The following MCPH1 variants were observed in gnomAD, a reference collection of about 807,000 sequenced individuals.
MCPH1 encodes microcephalin.
A neutral mutation model predicts 84.5 loss-of-function variants in MCPH1; 104 were observed. The observed-to-expected ratio is 1.23, with a 90% confidence interval of 1.05 to 1.45. The LOEUF (loss-of-function observed/expected upper bound fraction) is 1.45. MCPH1 is among the 40% of genes most tolerant of loss of function. The pLI is 0.00. For synonymous variants in MCPH1, 514 were observed against 366.8 expected (o/e 1.40, Z -4.58); for missense variants, 1,498 against 1,005.7 (o/e 1.49, Z -6.62).
chr8:6,625,956 G>C (rs1832035140), intron 13 of MCPH1: 6 of 984,804 alleles, frequency 6.1e-6, no homozygotes, highest in Middle Eastern at 5.2e-4. Flanking sequence ...ATTATTATTA[G>C]TATTCTGTGG....
chr8:6,592,634 T>G (rs1352603577), intron 12 of MCPH1, among the ~76,000 whole-genome samples: 1 of 140,978 alleles, frequency 7.1e-6, no homozygotes, highest in East Asian at 2.0e-4. Context: ...TTTTTTTTTT[T>G]TTTTTTTTTG....
chr8:6,511,897 TTC>T (rs1491433899), intron 12 of MCPH1, among the ~76,000 whole-genome samples: 1 of 120,250 alleles, frequency 8.3e-6, no homozygotes, highest in African/African-American at 3.1e-5. Context: ...ATTTTTGTGC[TTC>T]TTTTTTTTTT....
At chr8:6,506,606 C>T (rs1389613960) in intron 12 of MCPH1, among the ~76,000 whole-genome samples, 1 of 152,106 alleles carries the variant, frequency 6.6e-6, no homozygotes, top group African/African-American at 2.4e-5. Flanking sequence ...CTCCACCTGA[C>T]CCTTTCCCTG....
intron 12 of MCPH1, chr8:6,500,241 A>G: frequency 2.7e-6 from 1 of 364,330 alleles, no homozygotes; most frequent in Non-Finnish European, 5.2e-6. Context: ...ATCTTGCTTA[A>G]TGTTTTTACT....
intron 12 of MCPH1, chr8:6,621,250 T>C (rs1831382103): frequency 6.3e-6 from 4 of 635,738 alleles, no homozygotes; most frequent in Non-Finnish European, 2.7e-6. Flanking sequence ...GTTTTACGCA[T>C]GGCTACTTCA....
At chr8:6,562,840 T>C in intron 12 of MCPH1, 2 of 1,613,984 alleles carry the variant, frequency 1.2e-6, no homozygotes, top group Non-Finnish European at 1.7e-6. Context: ...CTGATATTGC[T>C]TCTTTCCTAT....
At position 6,445,489 on chromosome 8, in the gene MCPH1, C is replaced by G; in HGVS notation, c.1767C>G (p.Asp589Glu). ...AACATGAGCCATGTTTTATAGTTGA[C>G]TGTAACATGGAGACGTCTACAGAAG... ...QSEHEPCFIVDCNMETSTEEK... is the reference protein window; with the variant it reads ...QSEHEPCFIVECNMETSTEEK... Residue 589 changes from aspartate to glutamate, a missense_variant, in exon 8 of 14, where the codon GAC (aspartate) becomes GAG (glutamate). By Grantham distance (45) the Asp-to-Glu change is conservative. Transcript: ENST00000344683. 1 of 1,613,890 alleles carries G rather than the reference C, an allele frequency of 6.2e-7. No homozygotes were observed. The highest frequency in any genetic ancestry group is 8.5e-7 in the Non-Finnish European group (1 of 1,180,010).
chr8:6,416,285 CATGT>C (rs1470483494), intron 3 of MCPH1, among the ~76,000 whole-genome samples: 35 of 710 alleles, frequency 0.049, no homozygotes, highest in Non-Finnish European at 0.14. Context: ...TATGTCATGT[CATGT>C]CATGTCATGT....
rs929909851 is a variant in MCPH1, at chr8:6,615,270, C to G, written c.2215-6184C>G. Among the ~76,000 whole-genome samples, 8 of 152,164 alleles carry G rather than the reference C, an allele frequency of 5.3e-5. 1 individual carries two copies. The highest frequency in any genetic ancestry group is 1.9e-4 in the African/African-American group (8 of 41,414). On this transcript the variant is annotated intron_variant, in intron 12 of 13. Transcript: ENST00000344683. Reference sequence around the variant, plus strand: ...TCACATGCCACCATCAGGAAGTCCTCCCTCAATGCCCCAAGCCTACTCAGG... The same window carrying G: ...TCACATGCCACCATCAGGAAGTCCTGCCTCAATGCCCCAAGCCTACTCAGG...
intron 2 of MCPH1, 129 bp downstream of exon 2, chr8:6,409,499 A>G (rs1798240881): frequency 2.7e-6 from 2 of 732,838 alleles, no homozygotes; most frequent in African/African-American, 3.5e-5. Flanking sequence ...CGGTGGGAGA[A>G]AAAAGAGCCA....
intron 12 of MCPH1, among the ~76,000 whole-genome samples, chr8:6,559,216 T>C (rs894103589): frequency 5.1e-5 from 6 of 117,322 alleles, no homozygotes; most frequent in Non-Finnish European, 6.9e-5. Flanking sequence ...GAGTGTTTTG[T>C]AGCCACACAC....
At chr8:6,489,771 G>A (rs1046920887) in intron 11 of MCPH1, among the ~76,000 whole-genome samples, 3 of 152,316 alleles carry the variant, frequency 2.0e-5, no homozygotes, top group East Asian at 3.9e-4. Flanking sequence ...AGTGCTTGGC[G>A]ATGTGGTTGC....
At chr8:6,530,264 T>C (rs1337193771) in intron 12 of MCPH1, among the ~76,000 whole-genome samples, 1 of 152,034 alleles carries the variant, frequency 6.6e-6, no homozygotes, top group East Asian at 1.9e-4. Flanking sequence ...TCCCAGCAGT[T>C]TGGGAGGCCA....
intron 2 of MCPH1, among the ~76,000 whole-genome samples, chr8:6,410,637 C>T (rs142947552): frequency 3.2e-4 from 49 of 152,226 alleles, no homozygotes; most frequent in African/African-American, 1.1e-3. Context: ...ACTTTGATGA[C>T]GGGTTTTACA....
intron 11 of MCPH1, among the ~76,000 whole-genome samples, chr8:6,496,565 C>T (rs932951640): frequency 2.0e-5 from 3 of 151,392 alleles, no homozygotes. Flanking sequence ...GTTACATTCC[C>T]ACAGGTATTC....
chr8:6,537,784 GC>G (rs2129572954), intron 12 of MCPH1, among the ~76,000 whole-genome samples: 1 of 152,030 alleles, frequency 6.6e-6, no homozygotes, highest in African/African-American at 2.4e-5. Flanking sequence ...CTTGAAACTG[GC>G]TCAGTAAAGG....
chr8:6,522,156 G>C (rs557570244), intron 12 of MCPH1, among the ~76,000 whole-genome samples: 29 of 152,148 alleles, frequency 1.9e-4, no homozygotes, highest in South Asian at 1.5e-3. Context: ...GAGATTGAGA[G>C]TATCCTGGCT....
intron 13 of MCPH1, among the ~76,000 whole-genome samples, chr8:6,636,389 A>C (rs2042670): frequency 0.27 from 40,148 of 151,012 alleles, 5,761 homozygotes; most frequent in Non-Finnish European, 0.33. Context: ...CCACACAACC[A>C]CTGATTGTCC....
At chr8:6,532,570 T>G in intron 12 of MCPH1, 1 of 761,798 alleles carries the variant, frequency 1.3e-6, no homozygotes, top group Non-Finnish European at 1.8e-6. Flanking sequence ...CTCCTCCCTA[T>G]CTTTAAAAAA....
Sources: allele counts gnomAD v4.1 joint callset (sites outside exome capture counted in the v4.1 genomes callset), GRCh38; gene constraint gnomAD v4.1.1; transcripts MANE v1.5; gene names NCBI Gene and HGNC (gene_info 2026-07-23, HGNC 2026-07-21).